Variants in PDE7B observed in about 807,000 individuals in gnomAD.
The protein encoded by PDE7B is 3',5'-cyclic-AMP phosphodiesterase 7B.
A neutral mutation model predicts 56.2 loss-of-function variants in PDE7B; 29 were observed. That is an observed-to-expected ratio of 0.52 (90% CI 0.38 to 0.70). The LOEUF (loss-of-function observed/expected upper bound fraction) is 0.70, where lower values mean the gene tolerates loss of function less well. PDE7B is among the 30% of genes least tolerant of loss of function. The pLI, the probability that PDE7B is intolerant of heterozygous loss-of-function variation, is 0.00. For synonymous variants in PDE7B, 197 were observed against 196.9 expected, an observed-to-expected ratio of 1.00 and a Z score of 0.00; for missense variants, 490 against 565.0, an observed-to-expected ratio of 0.87 and a Z score of 1.35.
chr6:136,015,531 C>T (rs1356957859), intron 2 of PDE7B, among the ~76,000 whole-genome samples: 4 of 152,158 alleles, frequency 2.6e-5, no homozygotes, highest in Middle Eastern at 3.4e-3. Context: ...GGCTTTTCCG[C>T]CTGAGAATAA....
At chr6:135,986,827 T>G (rs550049982) in intron 2 of PDE7B, among the ~76,000 whole-genome samples, 1 of 152,352 alleles carries the variant, frequency 6.6e-6, no homozygotes, top group South Asian at 2.1e-4. Context: ...AAGAATCTGA[T>G]GAAATGGATC....
chr6:135,947,607 T>C (rs1004136296), intron 2 of PDE7B, 83 bp downstream of exon 2: 4 of 1,030,062 alleles, frequency 3.9e-6, no homozygotes, highest in Admixed American at 1.8e-5. Context: ...TGGCTGTCTC[T>C]CATTCTGTTT....
chr6:136,145,676 A>C (rs1368419169), intron 3 of PDE7B, among the ~76,000 whole-genome samples: 1 of 152,120 alleles, frequency 6.6e-6, no homozygotes. Context: ...TCCCAGCAAT[A>C]CAATCTTCAT....
intron 2 of PDE7B, among the ~76,000 whole-genome samples, chr6:136,006,727 A>G (rs73558799): frequency 0.015 from 2,346 of 152,252 alleles, 61 homozygotes; most frequent in African/African-American, 0.054. Flanking sequence ...TTGTTAGTGT[A>G]TAGAAAAGCT....
At position 136,191,884 on chromosome 6, in the gene PDE7B, C is replaced by T; in HGVS notation, c.*44C>T. On this transcript the variant is annotated 3_prime_UTR_variant, in exon 13 of 13. Coordinates refer to ENST00000308191, the MANE Select transcript of PDE7B (RefSeq NM_018945.4). ...CGCGGCTCTCCTCCGGCAGGGCCCC[C>T]AGAGGGCAGAAGCAGCGTGGAGGGG... The T allele has an allele frequency of 6.9e-7, 1 of 1,451,886 alleles. No individual in the cohort carries two copies. Among genetic ancestry groups the T allele is most frequent in the African/African-American group, 1.4e-5 (1 of 71,186 alleles). 89.9% of individuals were successfully genotyped at this position (1,451,886 alleles called of 1,614,324 possible).
intron 2 of PDE7B, among the ~76,000 whole-genome samples, chr6:135,960,746 C>A (rs1774885565): frequency 6.6e-6 from 1 of 152,168 alleles, no homozygotes; most frequent in Admixed American, 6.5e-5. Context: ...CTAGACATTA[C>A]CTCCCAAAGA....
At chr6:136,145,241 G>C (rs1427683137) in intron 3 of PDE7B, among the ~76,000 whole-genome samples, 1 of 151,948 alleles carries the variant, frequency 6.6e-6, no homozygotes, top group Non-Finnish European at 1.5e-5. Flanking sequence ...TCTTACTTCA[G>C]CCAATGGTTT....
intron 9 of PDE7B, among the ~76,000 whole-genome samples, chr6:136,178,380 G>C (rs1226351761): frequency 6.6e-6 from 1 of 152,034 alleles, no homozygotes; most frequent in Non-Finnish European, 1.5e-5. Context: ...TTATATGTGA[G>C]GGAAAGCTCC....
rs71547032 is a variant in PDE7B at position 135,935,052 on chromosome 6, TAGAG to T, written c.22-12410_22-12407del. ...TATATATTTCTCTATATATTTTATA[TAGAG>T]ATGAAGTATATATTTATATATAAAT... is the stretch of plus-strand genomic sequence containing the variant. On this transcript the variant is annotated intron_variant, in intron 1 of 12. Transcript: ENST00000308191. 3.8e-3 allele frequency among the ~76,000 whole-genome samples: 169 copies of T among 44,468 alleles called. 19 individuals carry two copies. Among genetic ancestry groups the T allele is most frequent in the African/African-American group, 0.019 (162 of 8,532 alleles). 29.2% of individuals were successfully genotyped at this position (44,468 alleles called of 152,430 possible).
chr6:135,953,781 A>G, intron 2 of PDE7B, among the ~76,000 whole-genome samples: 1 of 152,176 alleles, frequency 6.6e-6, no homozygotes, highest in South Asian at 2.1e-4. Context: ...TGAAAGAAAT[A>G]TTATTGTAAA....
chr6:136,109,794 T>C (rs999415213), intron 3 of PDE7B, among the ~76,000 whole-genome samples: 1 of 152,198 alleles, frequency 6.6e-6, no homozygotes, highest in Non-Finnish European at 1.5e-5. Flanking sequence ...ATAATCATCC[T>C]TCACTGTAGA....
intron 1 of PDE7B, among the ~76,000 whole-genome samples, chr6:135,887,181 A>G (rs1423628098): frequency 6.6e-6 from 1 of 152,032 alleles, no homozygotes; most frequent in African/African-American, 2.4e-5. Flanking sequence ...ATGCCTATTC[A>G]TGTCCTTTGC....
chr6:135,978,275 G>GT (rs1775227479), intron 2 of PDE7B, among the ~76,000 whole-genome samples: 1 of 152,120 alleles, frequency 6.6e-6, no homozygotes, highest in Admixed American at 6.6e-5. Context: ...AAAAGGTACA[G>GT]TAAAAACATG....
intron 2 of PDE7B, among the ~76,000 whole-genome samples, chr6:135,962,443 G>A (rs956221695): frequency 1.3e-5 from 2 of 152,066 alleles, no homozygotes; most frequent in Admixed American, 1.3e-4. Context: ...AATTCAAGAA[G>A]CGTTTTTGCT....
At chr6:136,056,455 G>T (rs904242609) in intron 2 of PDE7B, among the ~76,000 whole-genome samples, 1 of 134,298 alleles carries the variant, frequency 7.4e-6, no homozygotes, top group Non-Finnish European at 1.6e-5. Context: ...TGAAAAGTTA[G>T]TTAGAGGCAC....
chr6:136,037,910 T>G, intron 2 of PDE7B: 1 of 1,178,088 alleles, frequency 8.5e-7, no homozygotes, highest in South Asian at 1.7e-5. Context: ...CCTGCTGTCG[T>G]TCCAGCTGTA....
chr6:136,023,798 A>G (rs1302498538), intron 2 of PDE7B, among the ~76,000 whole-genome samples: 1 of 145,056 alleles, frequency 6.9e-6, no homozygotes, highest in East Asian at 1.9e-4. Flanking sequence ...ATAAATAGAT[A>G]TATCTATATA....
chr6:136,088,624 G>A (rs1023337651), intron 2 of PDE7B, among the ~76,000 whole-genome samples: 13 of 152,162 alleles, frequency 8.5e-5, no homozygotes, highest in Non-Finnish European at 8.8e-5. Flanking sequence ...GGAAATCTGT[G>A]GAGATAGAAG....
chr6:136,009,045 CTA>C (rs1775839737), intron 2 of PDE7B, among the ~76,000 whole-genome samples: 1 of 151,638 alleles, frequency 6.6e-6, no homozygotes, highest in Admixed American at 6.6e-5. Context: ...TTTCAGCTTT[CTA>C]CATATGGCTA....
Sources: gnomAD v4.1 joint callset for allele counts (sites outside exome capture counted in the v4.1 genomes callset) on GRCh38, gnomAD v4.1.1 for gene constraint, MANE v1.5 for transcripts, NCBI Gene and HGNC (gene_info 2026-07-23, HGNC 2026-07-21) for gene names.